CAMK1D: variants seen among roughly 807,000 people sequenced by gnomAD.
The protein encoded by CAMK1D is calcium/calmodulin dependent protein kinase ID.
CAMK1D carries 9 observed loss-of-function variants against 47.7 expected under a neutral mutation model. The ratio of observed to expected loss-of-function variants is 0.19; its 90% CI spans 0.11 to 0.33. The LOEUF (loss-of-function observed/expected upper bound fraction) is 0.33. CAMK1D is among the 10% of genes least tolerant of loss of function. CAMK1D has a pLI of 1.00. For synonymous variants in CAMK1D, 184 were observed against 184.9 expected (o/e 0.99, Z 0.04); for missense variants, 291 against 488.7 (o/e 0.60, Z 3.81).
At chr10:12,816,102 C>T in intron 7 of CAMK1D, 148 bp from the exon 8 acceptor site, 1 of 568,250 alleles carries the variant, frequency 1.8e-6, no homozygotes, top group Non-Finnish European at 3.1e-6. Flanking sequence ...ACGCTGGTGC[C>T]TTTGTGTCCA....
chr10:12,749,918 T>C (rs574723606), intron 3 of CAMK1D, among the ~76,000 whole-genome samples: 2 of 152,282 alleles, frequency 1.3e-5, no homozygotes, highest in East Asian at 3.9e-4. Flanking sequence ...AAAAGCTGCC[T>C]ACACCATAGC....
chr10:12,694,101 A>T (rs1486207586), intron 3 of CAMK1D, among the ~76,000 whole-genome samples: 3 of 45,660 alleles, frequency 6.6e-5, no homozygotes, highest in African/African-American at 8.4e-5. Flanking sequence ...TATATTATAT[A>T]ATATATAATA....
At chr10:12,746,755 G>C (rs984254460) in intron 3 of CAMK1D, among the ~76,000 whole-genome samples, 1 of 152,188 alleles carries the variant, frequency 6.6e-6, no homozygotes, top group Non-Finnish European at 1.5e-5. Context: ...ACTGTGTGAC[G>C]GGGGCGGGAG....
At chr10:12,394,621 A>G (rs1838870245) in intron 1 of CAMK1D, among the ~76,000 whole-genome samples, 1 of 152,174 alleles carries the variant, frequency 6.6e-6, no homozygotes, top group Non-Finnish European at 1.5e-5. Flanking sequence ...CACCAAAGAT[A>G]GATTTCTTAC....
At chr10:12,803,612 G>A (rs1355267550) in intron 6 of CAMK1D, among the ~76,000 whole-genome samples, 2 of 152,086 alleles carry the variant, frequency 1.3e-5, no homozygotes, top group Non-Finnish European at 2.9e-5. Context: ...CCGAGATCAC[G>A]CCATTGCACT....
intron 1 of CAMK1D, among the ~76,000 whole-genome samples, chr10:12,514,560 G>C (rs1053454979): frequency 6.6e-6 from 1 of 152,232 alleles, no homozygotes; most frequent in Non-Finnish European, 1.5e-5. Flanking sequence ...AAGTCAAGAA[G>C]TATGTGGGGC....
intron 2 of CAMK1D, among the ~76,000 whole-genome samples, chr10:12,643,222 C>G (rs2399877): frequency 6.6e-6 from 1 of 152,002 alleles, no homozygotes; most frequent in Non-Finnish European, 1.5e-5. Context: ...AGGCTGGTCT[C>G]GAACTCCTGA....
chr10:12,554,189 G>A (rs1303372319), intron 2 of CAMK1D, among the ~76,000 whole-genome samples: 2 of 138,194 alleles, frequency 1.4e-5, no homozygotes, highest in South Asian at 2.2e-4. Context: ...ACAGAATCTC[G>A]CTCTGTTGCC....
At chr10:12,736,431 G>A (rs780643821) in intron 3 of CAMK1D, among the ~76,000 whole-genome samples, 5 of 152,188 alleles carry the variant, frequency 3.3e-5, no homozygotes, top group African/African-American at 7.2e-5. Flanking sequence ...GCGAGTTCTA[G>A]TAACAGTAAT....
At chr10:12,422,483 G>C (rs1047428789) in intron 1 of CAMK1D, among the ~76,000 whole-genome samples, 2 of 152,080 alleles carry the variant, frequency 1.3e-5, no homozygotes, top group Non-Finnish European at 2.9e-5. Context: ...GAGGGGATGC[G>C]ATGCCTGGAT....
At chr10:12,616,013 A>G (rs577921278) in intron 2 of CAMK1D, among the ~76,000 whole-genome samples, 2 of 144,218 alleles carry the variant, frequency 1.4e-5, no homozygotes, top group African/African-American at 5.2e-5. Flanking sequence ...GTGGGTGTGC[A>G]TGTGTGTTGC....
intron 1 of CAMK1D, among the ~76,000 whole-genome samples, chr10:12,354,632 G>C (rs528652554): frequency 1.1e-4 from 16 of 151,794 alleles, no homozygotes; most frequent in East Asian, 5.8e-4. Flanking sequence ...AGACGGTCTC[G>C]ATCTCCTGAC....
chr10:12,413,039 G>C (rs980031463), intron 1 of CAMK1D, among the ~76,000 whole-genome samples: 3 of 152,172 alleles, frequency 2.0e-5, no homozygotes, highest in Admixed American at 1.3e-4. Flanking sequence ...TGTATATTAG[G>C]CTGTTCTTGC....
chr10:12,633,777 G>A (rs910744163), intron 2 of CAMK1D, among the ~76,000 whole-genome samples: 4 of 152,002 alleles, frequency 2.6e-5, no homozygotes, highest in South Asian at 2.1e-4. Context: ...GGCTGGTCTC[G>A]AACTCCTGGG....
At chr10:12,717,908 GA>G (rs893048719) in intron 3 of CAMK1D, among the ~76,000 whole-genome samples, 43 of 130,000 alleles carry the variant, frequency 3.3e-4, no homozygotes, top group African/African-American at 4.9e-4. Context: ...AAAAAAAAAA[GA>G]AAAAAAAAAG....
rs118009524 is a variant in CAMK1D at position 12,769,581 on chromosome 10, G to A, written c.439-92G>A. On this transcript the variant is annotated intron_variant, in intron 4 of 10. Transcript: ENST00000619168. Reference sequence around the variant, plus strand: ...GTCCAAAGGTCAAGGACGTCCTGACGTTGTGAATAGGTTTTGCAGCTGAAT... The same window carrying A: ...GTCCAAAGGTCAAGGACGTCCTGACATTGTGAATAGGTTTTGCAGCTGAAT... 5,484 of 1,433,780 alleles carry A rather than the reference G, an allele frequency of 3.8e-3. 86 individuals are homozygous for A. The East Asian group carries it at 0.053, about 14-fold the overall frequency. 88.8% of individuals were successfully genotyped at this position (1,433,780 alleles called of 1,614,324 possible).
At chr10:12,450,660 C>G (rs17569266) in intron 1 of CAMK1D, among the ~76,000 whole-genome samples, 3,633 of 152,286 alleles carry the variant, frequency 0.024, 62 homozygotes, top group Non-Finnish European at 0.037. Context: ...TGAGACCCAG[C>G]AGGTTTGAGG....
intron 2 of CAMK1D, among the ~76,000 whole-genome samples, chr10:12,594,017 A>G (rs1487993128): frequency 3.3e-5 from 5 of 152,190 alleles, no homozygotes; most frequent in African/African-American, 1.2e-4. Context: ...TCTCTACTAA[A>G]TACAAAAAAT....
intron 6 of CAMK1D, among the ~76,000 whole-genome samples, chr10:12,813,835 A>C (rs1832699197): frequency 2.0e-5 from 3 of 151,658 alleles, no homozygotes; most frequent in African/African-American, 7.3e-5. Flanking sequence ...ATCTTGGCTC[A>C]CTGGAACCTC....
Sources: gnomAD v4.1 joint callset for allele counts (sites outside exome capture counted in the v4.1 genomes callset) on GRCh38, gnomAD v4.1.1 for gene constraint, MANE v1.5 for transcripts, NCBI Gene and HGNC (gene_info 2026-07-23, HGNC 2026-07-21) for gene names.